The following APP variants were observed in gnomAD, a reference collection of about 807,000 sequenced individuals.
APP encodes amyloid beta precursor protein.
A neutral mutation model predicts 101.4 loss-of-function variants in APP; 31 were observed. That is an observed-to-expected ratio of 0.31 (90% CI 0.23 to 0.41). APP has a LOEUF of 0.41. Among genes scored for constraint, APP ranks in the 10% least tolerant of loss-of-function variants. The pLI is 1.00. For missense variants in APP, 839 were observed against 1,003.7 expected, an observed-to-expected ratio of 0.84 and a Z score of 2.22; for synonymous variants, 366 against 364.4, an observed-to-expected ratio of 1.00 and a Z score of -0.05.
intron 5 of APP, among the ~76,000 whole-genome samples, chr21:26,028,999 G>A (rs1019553141): frequency 2.6e-5 from 4 of 152,188 alleles, no homozygotes; most frequent in South Asian, 2.1e-4. Context: ...AGTCGGGCAC[G>A]GCAAAACCAA....
intron 2 of APP, among the ~76,000 whole-genome samples, chr21:26,109,811 G>A (rs144593119): frequency 6.6e-6 from 1 of 152,216 alleles, no homozygotes; most frequent in African/African-American, 2.4e-5. Flanking sequence ...TGCAAACTAT[G>A]ACACATGTAT....
rs559622744 is a variant in APP at position 26,151,984 on chromosome 21, A to G, written c.57+18580T>C. ...TCAGGCTAGAAATGCCAAATAAAAA[A>G]GCACATGTCTGTCTGGGCACGGTGG... On this transcript the variant is annotated intron_variant, in intron 1 of 17. Coordinates refer to ENST00000346798, the MANE Select transcript of APP (RefSeq NM_000484.4). 5.3e-5 allele frequency among the ~76,000 whole-genome samples: 8 copies of G among 152,294 alleles called. No individual in the cohort carries two copies. In the East Asian group the frequency reaches 1.5e-3, roughly 29 times the overall value.
intron 11 of APP, among the ~76,000 whole-genome samples, chr21:25,969,667 C>T (rs913782285): frequency 2.6e-5 from 4 of 151,538 alleles, no homozygotes; most frequent in Non-Finnish European, 5.9e-5. Flanking sequence ...CAGCGAGACC[C>T]TGTCTTTACA....
intron 2 of APP, among the ~76,000 whole-genome samples, chr21:26,092,445 C>G (rs2061844652): frequency 6.6e-6 from 1 of 152,064 alleles, no homozygotes; most frequent in Non-Finnish European, 1.5e-5. Context: ...GACATTCTTC[C>G]CACTATATGA....
chr21:25,880,890 A>G lies in APP; in HGVS notation c.*780T>C, dbSNP rs1216676820. 1 of 152,746 alleles carries G rather than the reference A, an allele frequency of 6.5e-6. No individual in the cohort carries two copies. Among genetic ancestry groups the G allele is most frequent in the Non-Finnish European group, 1.5e-5 (1 of 68,164 alleles). 9.5% of individuals were successfully genotyped at this position (152,746 alleles called of 1,614,324 possible). A position where few individuals can be genotyped will look rare whatever the true frequency, so the allele number is the denominator to read the frequency against. On this transcript the variant is annotated 3_prime_UTR_variant, in exon 18 of 18. Transcript: ENST00000346798. The stretch of plus-strand genomic sequence containing the variant: ...GATTCTGTACAATCATCCTGCAGAA[A>G]ATTGTTTTGGAGAATTCTTGGTAAT...
intron 9 of APP, among the ~76,000 whole-genome samples, chr21:25,980,502 T>C (rs963458357): frequency 1.3e-5 from 2 of 152,204 alleles, no homozygotes; most frequent in Non-Finnish European, 2.9e-5. Flanking sequence ...TCCCTGTGGC[T>C]AGCTTTCTAG....
At chr21:26,022,427 C>T (rs1426395435) in intron 5 of APP, among the ~76,000 whole-genome samples, 1 of 152,092 alleles carries the variant, frequency 6.6e-6, no homozygotes, top group Non-Finnish European at 1.5e-5. Context: ...AATAGATACA[C>T]AGCATTAAGC....
At chr21:25,883,302 C>T (rs1438185507) in intron 17 of APP, among the ~76,000 whole-genome samples, 4 of 151,972 alleles carry the variant, frequency 2.6e-5, no homozygotes, top group African/African-American at 7.3e-5. Flanking sequence ...GCTCCACAGG[C>T]GGAGGCAGGA....
chr21:25,918,755 T>C (rs1296358524), intron 13 of APP, among the ~76,000 whole-genome samples: 2 of 150,810 alleles, frequency 1.3e-5, no homozygotes, highest in South Asian at 2.1e-4. Flanking sequence ...CGCTGATTGC[T>C]AGCACAGCAG....
At chr21:26,081,592 G>C (rs114235940) in intron 3 of APP, among the ~76,000 whole-genome samples, 1 of 152,134 alleles carries the variant, frequency 6.6e-6, no homozygotes, top group African/African-American at 2.4e-5. Flanking sequence ...CACTTGCTTC[G>C]GGCCATCTGG....
Position 25,881,641 on chromosome 21 carries a change from C to G in APP, c.*29G>C. ...GGTAGTGAAGCAATGGTTTTGCTGT[C>G]CAACTTCAGAGGCTGCTGTGGCGGG... On this transcript the variant is annotated 3_prime_UTR_variant, in exon 18 of 18. Coordinates refer to ENST00000346798, the MANE Select transcript of APP (RefSeq NM_000484.4). The G allele has an allele frequency of 6.2e-7, 1 of 1,606,320 alleles. No homozygotes were observed. Among genetic ancestry groups the G allele is most frequent in the Non-Finnish European group, 8.5e-7 (1 of 1,173,098 alleles).
rs2146191642 is a variant in APP at position 25,881,377 on chromosome 21, GA to G, written c.*292del. ...AAGGGGCTATGTGATAAATAATCAG[GA>G]GAGAATCTATTCATGCACTAGTTTG... On this transcript the variant is annotated 3_prime_UTR_variant, in exon 18 of 18. Coordinates refer to ENST00000346798, the MANE Select transcript of APP (RefSeq NM_000484.4). The G allele has an allele frequency of 2.2e-6, 1 of 463,768 alleles. No individual in the cohort carries two copies. Among genetic ancestry groups the G allele is most frequent in the African/African-American group, 2.0e-5 (1 of 50,754 alleles). The allele number at this position is 463,768 out of a possible 1,614,324, so 28.7% of individuals were successfully genotyped here. A position where few individuals can be genotyped will look rare whatever the true frequency, so the allele number is the denominator to read the frequency against.
intron 1 of APP, among the ~76,000 whole-genome samples, chr21:26,133,513 C>T (rs966010467): frequency 2.0e-5 from 3 of 152,018 alleles, no homozygotes; most frequent in African/African-American, 4.8e-5. Context: ...AGGCCGGGCG[C>T]GGTGGCTCAT....
At chr21:25,954,475 A>T in intron 13 of APP, 115 bp downstream of exon 13, 1 of 940,688 alleles carries the variant, frequency 1.1e-6, no homozygotes, top group Non-Finnish European at 1.7e-6. Flanking sequence ...TTCATCGTAA[A>T]AGGCAAGCTG....
intron 1 of APP, among the ~76,000 whole-genome samples, chr21:26,123,830 T>C (rs986778600): frequency 6.6e-5 from 10 of 152,192 alleles, no homozygotes; most frequent in African/African-American, 2.4e-4. Flanking sequence ...AGAGGCAATC[T>C]GATATTGACA....
At chr21:25,970,483 C>G (rs1054665100) in intron 11 of APP, among the ~76,000 whole-genome samples, 3 of 152,116 alleles carry the variant, frequency 2.0e-5, no homozygotes, top group Admixed American at 2.0e-4. Context: ...CCTTCTCTGG[C>G]AAATGATCAC....
At chr21:25,955,529 A>G in intron 12 of APP, 98 bp downstream of exon 12, 3 of 1,566,118 alleles carry the variant, frequency 1.9e-6, no homozygotes, top group African/African-American at 1.4e-5. Flanking sequence ...GAAAACACCT[A>G]TAGGTGCTCG....
intron 6 of APP, among the ~76,000 whole-genome samples, chr21:26,002,237 T>G (rs1246873437): frequency 6.6e-6 from 1 of 152,264 alleles, no homozygotes; most frequent in East Asian, 1.9e-4. Context: ...GTTTGACACC[T>G]TCTGGGCTTA....
chr21:26,148,463 C>A (rs2063198272), intron 1 of APP, among the ~76,000 whole-genome samples: 1 of 152,112 alleles, frequency 6.6e-6, no homozygotes, highest in African/African-American at 2.4e-5. Flanking sequence ...TGGGGAGGGA[C>A]AAAACCCAAG....
Sources: allele counts gnomAD v4.1 joint callset (sites outside exome capture counted in the v4.1 genomes callset), GRCh38; gene constraint gnomAD v4.1.1; transcripts MANE v1.5; gene names NCBI Gene and HGNC (gene_info 2026-07-23, HGNC 2026-07-21).